Variants in TP53BP2 observed in about 807,000 individuals in gnomAD.
TP53BP2 encodes the protein tumor protein p53 binding protein 2.
In TP53BP2, 62 loss-of-function variants were observed where a neutral mutation model predicts 126.2. The observed-to-expected ratio is 0.49, with a 90% CI of 0.40 to 0.61. The LOEUF is 0.61. TP53BP2 is among the 20% of genes least tolerant of loss of function. The pLI, the probability that TP53BP2 is intolerant of heterozygous loss-of-function variation, is 0.00. For missense variants in TP53BP2, 1,215 were observed against 1,402.8 expected, an observed-to-expected ratio of 0.87 and a Z score of 2.14; for synonymous variants, 485 against 502.9, an observed-to-expected ratio of 0.96 and a Z score of 0.48.
chr1:223,801,422 GT>G (rs1662524581), intron 9 of TP53BP2, among the ~76,000 whole-genome samples: 2 of 152,140 alleles, frequency 1.3e-5, no homozygotes, highest in African/African-American at 4.8e-5. Context: ...TATGATAATT[GT>G]AAGAGAACAG....
intron 1 of TP53BP2, among the ~76,000 whole-genome samples, chr1:223,825,091 A>G (rs150061388): frequency 1.3e-5 from 2 of 150,812 alleles, no homozygotes; most frequent in Admixed American, 1.3e-4. Context: ...CCTCCTTAGC[A>G]CAGTCACTAA....
chr1:223,845,688 G>T lies in TP53BP2; in HGVS notation c.-8C>A. 1 of 1,545,074 alleles carries T rather than the reference G, an allele frequency of 6.5e-7. No individual in the cohort carries two copies. Reference sequence around the variant, plus strand: ...CTTGGACCCGAACCGCATGGAAGCGGGTGGCCAGACTGCGGCCCCGGCCGA... The same window carrying T: ...CTTGGACCCGAACCGCATGGAAGCGTGTGGCCAGACTGCGGCCCCGGCCGA... On this transcript the variant is annotated 5_prime_UTR_variant, in exon 1 of 18. Transcript: ENST00000343537.
At chr1:223,833,810 G>A (rs1363263284) in intron 1 of TP53BP2, among the ~76,000 whole-genome samples, 2 of 152,176 alleles carry the variant, frequency 1.3e-5, no homozygotes, top group Non-Finnish European at 2.9e-5. Flanking sequence ...GACAGTTAAA[G>A]CAAAAGGAAC....
chr1:223,797,887 T>C (rs753043928), intron 12 of TP53BP2, among the ~76,000 whole-genome samples: 6 of 152,090 alleles, frequency 3.9e-5, no homozygotes, highest in African/African-American at 9.7e-5. Context: ...CAGTCCTCTA[T>C]ATGACAAGAA....
Position 223,796,543 on chromosome 1 carries a change from G to A in TP53BP2, c.1996C>T (p.Pro666Ser). Residue 666 changes from proline (P) to serine (S), a missense_variant, in exon 13 of 18, where the codon CCA becomes TCA. Pro to Ser is a moderately conservative substitution (Grantham distance 74). This residue lies in a region of TP53BP2 where 814 missense variants were observed against 853.0 expected (regional missense o/e 0.95). Coordinates refer to ENST00000343537, the MANE Select transcript of TP53BP2 (RefSeq NM_001031685.3). This position sits in a 1 kb window ranked among gnomAD's most constrained non-coding sequence, Gnocchi z 4.2. ...IAAAQNQQQHPENIYSNSQGK... is the reference protein window; with the variant it reads ...IAAAQNQQQHSENIYSNSQGK... Reference sequence around the variant, plus strand: ...TGGCTATTGGAATAAATGTTCTCTGGGTGCTGCTGTTGATTCTGGGCAGCA... The same window carrying A: ...TGGCTATTGGAATAAATGTTCTCTGAGTGCTGCTGTTGATTCTGGGCAGCA... 2 of 1,613,578 alleles carry A rather than the reference G, an allele frequency of 1.2e-6. No homozygotes were observed. Among genetic ancestry groups the A allele is most frequent in the Non-Finnish European group, 1.7e-6 (2 of 1,179,822 alleles).
intron 17 of TP53BP2, among the ~76,000 whole-genome samples, chr1:223,783,456 A>G (rs1027375023): frequency 1.3e-5 from 2 of 152,192 alleles, no homozygotes; most frequent in African/African-American, 4.8e-5. Flanking sequence ...TCTCTCGATT[A>G]CCCTGATCAT....
intron 3 of TP53BP2, among the ~76,000 whole-genome samples, chr1:223,813,625 C>T (rs866177766): frequency 2.0e-5 from 3 of 152,126 alleles, no homozygotes; most frequent in South Asian, 2.1e-4. Flanking sequence ...AAAAATTTGT[C>T]TAGACACCTT....
intron 16 of TP53BP2, among the ~76,000 whole-genome samples, chr1:223,784,709 A>G (rs1434205805): frequency 6.6e-6 from 1 of 152,212 alleles, no homozygotes; most frequent in African/African-American, 2.4e-5. Flanking sequence ...TGTAATGACT[A>G]AGGAACTCTA....
At position 223,806,416 on chromosome 1, in the gene TP53BP2, G is replaced by C. The variant is rs150354904; in HGVS notation, c.474+430C>G. On this transcript the variant is annotated intron_variant, in intron 5 of 17. Coordinates refer to ENST00000343537, the MANE Select transcript of TP53BP2 (RefSeq NM_001031685.3). Reference sequence around the variant, plus strand: ...CAAAGAGAGCACCAAACAGCAGGTGGCTTTTGGGTTGATAATGTTACCTCA... The same window carrying C: ...CAAAGAGAGCACCAAACAGCAGGTGCCTTTTGGGTTGATAATGTTACCTCA... 9.1e-4 allele frequency among the ~76,000 whole-genome samples: 139 copies of C among 152,284 alleles called. 1 individual carries two copies. Among genetic ancestry groups the C allele is most frequent in the Middle Eastern group, 3.4e-3 (1 of 294 alleles).
chr1:223,797,570 G>A (rs537210268), intron 12 of TP53BP2, among the ~76,000 whole-genome samples: 62 of 152,018 alleles, frequency 4.1e-4, no homozygotes, highest in African/African-American at 1.3e-3. Context: ...GTACCACCAC[G>A]TCCAGCTAAT....
rs1259934787 is a variant in TP53BP2, at chr1:223,831,481, ATATATATATATAT to A, written c.28-10127_28-10115del. Among the ~76,000 whole-genome samples, 187 of 35,480 alleles carry A rather than the reference ATATATATATATAT, an allele frequency of 5.3e-3. 9 individuals carry two copies. Among genetic ancestry groups the A allele is most frequent in the African/African-American group, 0.011 (155 of 14,566 alleles). 23.3% of individuals were successfully genotyped at this position (35,480 alleles called of 152,430 possible). A position where few individuals can be genotyped will look rare whatever the true frequency, so the allele number is the denominator to read the frequency against. On this transcript the variant is annotated intron_variant, in intron 1 of 17. Coordinates refer to ENST00000343537, the MANE Select transcript of TP53BP2 (RefSeq NM_001031685.3). ...ATGTACCATCTAAAAAAAAAAAAAA[ATATATATATATAT>A]ATATATATATATATATATATATACT...
At position 223,796,449 on chromosome 1, in the gene TP53BP2, TC is replaced by T; in HGVS notation, c.2089del (p.Glu697LysfsTer28). ...VSSVQENHENERIPRPLSPTK... is the reference protein window; with the variant it reads ...VSSVQENHENXRIPRPLSPTK... ...TGGGCTGAGTGGCCGAGGAATTCTTTCGTTTTCATGGTTCTCCTGAACTGAA... is the reference window on the plus strand; with the variant it reads ...TGGGCTGAGTGGCCGAGGAATTCTTTGTTTTCATGGTTCTCCTGAACTGAA... On this transcript the variant is annotated frameshift_variant, in exon 13 of 18. Transcript: ENST00000343537. LOFTEE classifies it high-confidence loss of function. This position sits in a 1 kb window ranked among gnomAD's most constrained non-coding sequence, Gnocchi z 4.2. 6.2e-7 allele frequency: 1 copy of T among 1,614,204 alleles called. No homozygotes were observed. Among genetic ancestry groups the T allele is most frequent in the Non-Finnish European group, 8.5e-7 (1 of 1,180,030 alleles).
intron 15 of TP53BP2, among the ~76,000 whole-genome samples, chr1:223,790,991 T>C (rs913231691): frequency 6.6e-6 from 1 of 152,182 alleles, no homozygotes; most frequent in Non-Finnish European, 1.5e-5. Flanking sequence ...ATATACAACA[T>C]AAACTCCCAA....
intron 1 of TP53BP2, among the ~76,000 whole-genome samples, chr1:223,836,090 T>C (rs531017066): frequency 1.4e-4 from 22 of 152,110 alleles, no homozygotes; most frequent in Non-Finnish European, 2.1e-4. Context: ...CCTGGAACTG[T>C]TGAAGCACAG....
intron 1 of TP53BP2, among the ~76,000 whole-genome samples, chr1:223,838,277 G>A (rs1379489939): frequency 1.3e-5 from 2 of 152,120 alleles, no homozygotes; most frequent in African/African-American, 4.8e-5. Flanking sequence ...CTGGAATACA[G>A]AAGATGTTAA....
At chr1:223,803,145 TC>T in intron 7 of TP53BP2, 125 bp downstream of exon 7, 5 of 1,197,668 alleles carry the variant, frequency 4.2e-6, no homozygotes, top group Non-Finnish European at 5.8e-6. Flanking sequence ...GAGTTTGGGT[TC>T]CCCCCACAAC....
intron 1 of TP53BP2, among the ~76,000 whole-genome samples, chr1:223,837,294 C>A (rs553363829): frequency 6.6e-6 from 1 of 152,108 alleles, no homozygotes; most frequent in African/African-American, 2.4e-5. Flanking sequence ...CCTGATACAC[C>A]CTACTCAGTT....
chr1:223,826,070 G>A lies in TP53BP2; in HGVS notation c.28-4703C>T, dbSNP rs1223473381. The A allele has an allele frequency of 2.6e-5, 4 of 152,262 alleles. No individual in the cohort carries two copies. The East Asian group carries it at 7.7e-4, about 29-fold the overall frequency. The allele number at this position is 152,262 out of a possible 1,614,324, so 9.4% of individuals were successfully genotyped here. A position where few individuals can be genotyped will look rare whatever the true frequency, so the allele number is the denominator to read the frequency against. On this transcript the variant is annotated intron_variant, in intron 1 of 17. Transcript: ENST00000343537. Reference sequence around the variant, plus strand: ...AACCGAGCAACCATCTAAAGGAAGTGAGGACACAGCCCAGCTAAGGTCTGG... The same window carrying A: ...AACCGAGCAACCATCTAAAGGAAGTAAGGACACAGCCCAGCTAAGGTCTGG...
At chr1:223,804,442 G>T in intron 5 of TP53BP2, 94 bp from the exon 6 acceptor site, 1 of 1,149,324 alleles carries the variant, frequency 8.7e-7, no homozygotes, top group Non-Finnish European at 1.3e-6. Context: ...TGTTGAGATT[G>T]AGGTACACTT....
Sources: gnomAD v4.1 joint callset for allele counts (sites outside exome capture counted in the v4.1 genomes callset) on GRCh38, gnomAD v4.1.1 for gene constraint, gnomAD v4.1.1 regional missense constraint, Gnocchi (gnomAD v3.1) non-coding constraint, MANE v1.5 for transcripts, NCBI Gene and HGNC (gene_info 2026-07-23, HGNC 2026-07-21) for gene names.